Variants in LONP1 observed in about 807,000 individuals in gnomAD.
LONP1 encodes the protein lon peptidase 1, mitochondrial, also known as lon protease homolog, mitochondrial.
Under a neutral mutation model 98.5 loss-of-function variants are expected in LONP1, and 31 were observed. The ratio of observed to expected loss-of-function variants is 0.31; its 90% CI spans 0.24 to 0.42. The LOEUF is 0.42. LONP1 is among the 20% of genes least tolerant of loss of function. The probability of loss-of-function intolerance (pLI) is 1.00; values close to 1 mark genes in which losing one functional copy is unlikely to be tolerated. For synonymous variants in LONP1, 781 were observed against 594.7 expected (o/e 1.31, Z -4.56); for missense variants, 1,336 against 1,350.6 (o/e 0.99, Z 0.17).
At chr19:5,697,132 G>A (rs923919899) in intron 10 of LONP1, among the ~76,000 whole-genome samples, 1 of 152,142 alleles carries the variant, frequency 6.6e-6, no homozygotes, top group Non-Finnish European at 1.5e-5. Context: ...GGCCAGCACT[G>A]GCTCTCAGGA....
At chr19:5,719,537 C>T (rs1055875852) in intron 1 of LONP1, among the ~76,000 whole-genome samples, 167 bp downstream of exon 1, 2 of 152,226 alleles carry the variant, frequency 1.3e-5, no homozygotes, top group Admixed American at 6.5e-5. Flanking sequence ...GACTTTGGCT[C>T]AAGGTTCCCA....
chr19:5,699,942 A>T (rs1316841347), intron 9 of LONP1, among the ~76,000 whole-genome samples: 1 of 151,920 alleles, frequency 6.6e-6, no homozygotes, highest in Non-Finnish European at 1.5e-5. Flanking sequence ...AAATTAATTT[A>T]AAATTAATTA....
intron 4 of LONP1, among the ~76,000 whole-genome samples, chr19:5,710,341 G>A (rs925362882): frequency 4.0e-5 from 6 of 151,574 alleles, no homozygotes; most frequent in African/African-American, 7.3e-5. Context: ...CGCCCACCTC[G>A]GCCTCCCAAA....
intron 8 of LONP1, among the ~76,000 whole-genome samples, chr19:5,701,784 G>A (rs2055049193): frequency 6.6e-6 from 1 of 151,550 alleles, no homozygotes; most frequent in African/African-American, 2.4e-5. Flanking sequence ...GTCTCTGCCT[G>A]GCCGCCCATC....
At chr19:5,693,943 C>T (rs977941785) in intron 15 of LONP1, among the ~76,000 whole-genome samples, 174 bp from the exon 16 acceptor site, 2 of 152,150 alleles carry the variant, frequency 1.3e-5, no homozygotes, top group Non-Finnish European at 2.9e-5. Context: ...TGCTGCGTTG[C>T]GGGTTCCTGG....
At position 5,705,918 on chromosome 19, in the gene LONP1, C is replaced by T. The variant is rs1244922437; in HGVS notation, c.1221G>A (p.Leu407=). The T allele has an allele frequency of 9.9e-6, 16 of 1,614,036 alleles. No individual in the cohort carries two copies. Among genetic ancestry groups the T allele is most frequent in the Non-Finnish European group, 1.4e-5 (16 of 1,180,044 alleles). Residue 407 remains leucine, a synonymous_variant, in exon 8 of 18, where the codon CTG becomes CTA. Coordinates refer to ENST00000360614, the MANE Select transcript of LONP1 (RefSeq NM_004793.4). ...CATCCTTGTCGTCCTTCTCCAGGCCCAGCTCCTTCTTGATGATCTTTAGCT... is the reference window on the plus strand; with the variant it reads ...CATCCTTGTCGTCCTTCTCCAGGCCTAGCTCCTTCTTGATGATCTTTAGCT... ...QEQLKIIKKE[L]GLEKDDKDAI... is the part of the protein sequence containing the mutation.
chr19:5,712,889 C>A (rs575328876), intron 3 of LONP1, among the ~76,000 whole-genome samples: 1 of 152,270 alleles, frequency 6.6e-6, no homozygotes, highest in South Asian at 2.1e-4. Context: ...CCTTGACATC[C>A]CAAAGTGCTG....
rs756243024 is a variant in LONP1 at position 5,697,833 on chromosome 19, C to G, written c.1686-1076G>C. Among the ~76,000 whole-genome samples the G allele has an allele frequency of 9.9e-4, 151 of 152,186 alleles. 1 individual carries two copies. Among genetic ancestry groups the G allele is most frequent in the Non-Finnish European group, 2.0e-3 (133 of 67,962 alleles). ...AGCCCCGCTACCTGGTGACTCCCTC[C>G]CAAGGCCAGAGGTGACCCAGGCTTG... On this transcript the variant is annotated intron_variant, in intron 10 of 17. Transcript: ENST00000360614.
At chr19:5,717,552 G>A (rs1383609202) in intron 1 of LONP1, 1 of 152,232 alleles carries the variant, frequency 6.6e-6, no homozygotes, top group Non-Finnish European at 1.5e-5. Flanking sequence ...GGGAGCAAGG[G>A]GCATCTGTCG....
Position 5,696,685 on chromosome 19 carries a change from C to G in LONP1, c.1758G>C (p.Leu586=), listed in dbSNP as rs776972476. 3 of 1,613,580 alleles carry G rather than the reference C, an allele frequency of 1.9e-6. No homozygotes were observed. The highest frequency in any genetic ancestry group is 2.5e-6 in the Non-Finnish European group (3 of 1,179,890). The part of the protein sequence containing the change: ...CLKKTKTENP[L]ILIDEVDKIG... ...CCGCACGCACCTCGTCGATGAGGATCAGGGGGTTCTCCGTCTTGGTCTTCT... is the reference window on the plus strand; with the variant it reads ...CCGCACGCACCTCGTCGATGAGGATGAGGGGGTTCTCCGTCTTGGTCTTCT... The change falls in exon 11 of 18, where the codon CTG becomes CTC. Residue 586 remains leucine (L), a synonymous_variant. Transcript: ENST00000360614.
rs754186952 is a variant in LONP1, at chr19:5,693,621, G to A, written c.2469C>T (p.Ala823=). ...TGGCGGGGGCGTGCTGCATGAGGAA[G>A]GCTCTGGCGAAGGTGTAGGCTATGC... The part of the protein sequence containing the change: ...SARIAYTFAR[A]FLMQHAPAND... The change falls in exon 16 of 18, where the codon GCC becomes GCT. Residue 823 remains alanine, a synonymous_variant. Coordinates refer to ENST00000360614, the MANE Select transcript of LONP1 (RefSeq NM_004793.4). The A allele has an allele frequency of 3.1e-6, 5 of 1,614,090 alleles. No individual in the cohort carries two copies. The East Asian group carries it at 6.7e-5, about 22-fold the overall frequency.
chr19:5,698,658 G>A (rs573469325), intron 10 of LONP1, among the ~76,000 whole-genome samples: 55 of 152,312 alleles, frequency 3.6e-4, no homozygotes, highest in African/African-American at 1.3e-3. Context: ...CCCACCCCTA[G>A]TCCTGGGGCA....
chr19:5,708,271 C>G, intron 5 of LONP1, 71 bp downstream of exon 5: 3 of 1,490,074 alleles, frequency 2.0e-6, no homozygotes, highest in Non-Finnish European at 2.8e-6. Context: ...GAGGAAGCCC[C>G]CTACCCACCC....
intron 1 of LONP1, among the ~76,000 whole-genome samples, chr19:5,718,609 G>T (rs1013682792): frequency 5.3e-5 from 8 of 152,026 alleles, no homozygotes; most frequent in Non-Finnish European, 1.0e-4. Flanking sequence ...GAAGAGTCTG[G>T]AGAGTGAGCG....
chr19:5,694,674 T>G (rs543439914), intron 14 of LONP1, 87 bp downstream of exon 14: 1 of 1,563,964 alleles, frequency 6.4e-7, no homozygotes, highest in Admixed American at 1.7e-5. Flanking sequence ...CGCAGGAAAG[T>G]GGGATGATGG....
chr19:5,692,124 C>T lies in LONP1; in HGVS notation c.2788G>A (p.Gly930Ser), dbSNP rs1213395304. The change falls in exon 18 of 18, where the codon GGC (glycine) becomes AGC (serine). Residue 930 changes from glycine to serine, a missense_variant. By Grantham distance (56) the Gly-to-Ser change is moderately conservative. Transcript: ENST00000360614. The stretch of plus-strand genomic sequence containing the variant: ...TGTTCCACGAAGTGCACCTCCAGGC[C>T]CTCGGTGATGAAGGCTGCCAGGTCG... The part of the protein sequence containing the change: ...FYDLAAFITE[G>S]LEVHFVEHYR... 3 of 1,611,044 alleles carry T rather than the reference C, an allele frequency of 1.9e-6. No homozygotes were observed. The highest frequency in any genetic ancestry group is 2.5e-6 in the Non-Finnish European group (3 of 1,178,150).
chr19:5,716,263 T>TATATATATATATATAC (rs2055319136), intron 1 of LONP1, among the ~76,000 whole-genome samples: 2 of 26,952 alleles, frequency 7.4e-5, no homozygotes, highest in Non-Finnish European at 1.7e-4. Context: ...AATATACATA[T>TATATATATATATATAC]ATATATATAT....
At chr19:5,696,555 G>A in intron 11 of LONP1, 115 bp downstream of exon 11, 1 of 1,283,454 alleles carries the variant, frequency 7.8e-7, no homozygotes. Context: ...ATCAGGGCCA[G>A]CATCACGGCG....
chr19:5,691,979 G>C lies in LONP1; in HGVS notation c.*53C>G, dbSNP rs779208817. 8.2e-6 allele frequency: 13 copies of C among 1,580,762 alleles called. No individual in the cohort carries two copies. The highest frequency in any genetic ancestry group is 5.2e-6 in the Non-Finnish European group (6 of 1,162,554). On this transcript the variant is annotated 3_prime_UTR_variant, in exon 18 of 18. Transcript: ENST00000360614. ...CCGGGCGCGCTCCCCACAGCGCTCA[G>C]TTCTGGCCCAGACAGGGCCTGACAT...
Sources: allele counts gnomAD v4.1 joint callset (sites outside exome capture counted in the v4.1 genomes callset), GRCh38; gene constraint gnomAD v4.1.1; transcripts MANE v1.5; gene names NCBI Gene and HGNC (gene_info 2026-07-23, HGNC 2026-07-21).